ITGB3: variants seen among roughly 807,000 people sequenced by gnomAD.
ITGB3 encodes integrin subunit beta 3.
A neutral mutation model predicts 85.8 loss-of-function variants in ITGB3; 48 were observed. The observed-to-expected ratio is 0.56, with a 90% CI of 0.44 to 0.71. ITGB3 has a LOEUF of 0.71. Ranked by LOEUF, ITGB3 falls within the 30% of genes least tolerant of loss-of-function variation. The probability of loss-of-function intolerance (pLI) is 0.00; values close to 1 mark genes in which losing one functional copy is unlikely to be tolerated. For synonymous variants in ITGB3, 363 were observed against 395.6 expected (o/e 0.92, Z 0.98); for missense variants, 861 against 1,019.1 (o/e 0.84, Z 2.11).
At chr17:47,284,764 TTCTAGC>T (rs1444084115) in intron 4 of ITGB3, 69 bp downstream of exon 4, 1 of 1,594,378 alleles carries the variant, frequency 6.3e-7, no homozygotes, top group Non-Finnish European at 8.6e-7. Context: ...TGGTTCCTAT[TTCTAGC>T]TCTAGGATCA....
intron 1 of ITGB3, among the ~76,000 whole-genome samples, chr17:47,271,089 T>G (rs1008253946): frequency 6.6e-6 from 1 of 152,202 alleles, no homozygotes; most frequent in African/African-American, 2.4e-5. Flanking sequence ...CTCAAGGGAC[T>G]TAAAATCTGT....
In ITGB3 at chr17:47,292,452, G is replaced by A; in HGVS notation, c.1574G>A (p.Gly525Asp). The change falls in exon 10 of 15, where the codon GGC (glycine) becomes GAC (aspartate). Residue 525 changes from glycine (G) to aspartate (D), a missense_variant. Gly to Asp is a moderately conservative substitution (Grantham distance 94). Transcript: ENST00000559488. ...REGQPVCSQR[G>D]ECLCGQCVCH... ...GGTCAGCCCGTCTGCAGCCAGCGGG[G>A]CGAGTGCCTCTGTGGTCAATGTGTC... 6.2e-7 allele frequency: 1 copy of A among 1,609,572 alleles called. No homozygotes were observed. Among genetic ancestry groups the A allele is most frequent in the Non-Finnish European group, 8.5e-7 (1 of 1,176,708 alleles).
Position 47,299,229 on chromosome 17 carries a change from G to C in ITGB3, c.1691-79G>C. On this transcript the variant is annotated intron_variant, in intron 10 of 14. Coordinates refer to ENST00000559488, the MANE Select transcript of ITGB3 (RefSeq NM_000212.3). This position sits in a 1 kb window ranked among gnomAD's most constrained non-coding sequence, Gnocchi z 5.1. ...CATTATCTGTGTGGTTGGGAGAGCA[G>C]GATGGTCGTGTGTAGCCTGCTGCCA... 7.5e-7 allele frequency: 1 copy of C among 1,333,852 alleles called. No homozygotes were observed. The highest frequency in any genetic ancestry group is 1.1e-6 in the Non-Finnish European group (1 of 937,916). The allele number at this position is 1,333,852 out of a possible 1,614,324, so 82.6% of individuals were successfully genotyped here.
intron 13 of ITGB3, among the ~76,000 whole-genome samples, chr17:47,306,780 A>C (rs1173588520): frequency 1.3e-5 from 2 of 152,080 alleles, no homozygotes; most frequent in African/African-American, 2.4e-5. Flanking sequence ...TCCCAGGTTC[A>C]AGTGATTCTG....
At chr17:47,278,186 A>T (rs908228345) in intron 2 of ITGB3, among the ~76,000 whole-genome samples, 3 of 152,300 alleles carry the variant, frequency 2.0e-5, no homozygotes, top group African/African-American at 7.2e-5. Context: ...ACAGCAATGG[A>T]TGGGAGATGT....
intron 1 of ITGB3, among the ~76,000 whole-genome samples, chr17:47,256,477 C>CG (rs1223750503): frequency 2.0e-5 from 3 of 151,346 alleles, no homozygotes; most frequent in Non-Finnish European, 4.4e-5. Flanking sequence ...AGTAATACCC[C>CG]CCCCCCCAAC....
chr17:47,302,603 A>G (rs1394275857), intron 12 of ITGB3, 118 bp from the exon 13 acceptor site: 7 of 1,233,122 alleles, frequency 5.7e-6, no homozygotes, highest in Admixed American at 1.8e-5. Flanking sequence ...CATCGTGCAC[A>G]TGAGGCACAG....
intron 4 of ITGB3, 119 bp from the exon 5 acceptor site, chr17:47,286,141 T>C (rs1334942168): frequency 8.9e-7 from 1 of 1,129,780 alleles, no homozygotes; most frequent in Non-Finnish European, 1.3e-6. Flanking sequence ...GTAACTGTGG[T>C]TGTATGGAAC....
chr17:47,283,233 T>G, intron 2 of ITGB3, 121 bp from the exon 3 acceptor site: 1 of 942,866 alleles, frequency 1.1e-6, no homozygotes, highest in Non-Finnish European at 1.7e-6. Flanking sequence ...CCACAACAAT[T>G]TGTTTATGCT....
chr17:47,293,554 G>T (rs1214216562), intron 10 of ITGB3, among the ~76,000 whole-genome samples: 1 of 152,046 alleles, frequency 6.6e-6, no homozygotes, highest in Non-Finnish European at 1.5e-5. Flanking sequence ...CAAACAGAGA[G>T]ATTATAATTG....
chr17:47,262,323 G>C (rs2065011340), intron 1 of ITGB3, among the ~76,000 whole-genome samples: 1 of 152,206 alleles, frequency 6.6e-6, no homozygotes, highest in African/African-American at 2.4e-5. Context: ...CCTGGGCTGA[G>C]CCTCGGACAG....
At chr17:47,273,742 AT>A (rs1894376738) in intron 1 of ITGB3, among the ~76,000 whole-genome samples, 1 of 152,224 alleles carries the variant, frequency 6.6e-6, no homozygotes, top group South Asian at 2.1e-4. Flanking sequence ...AACATTCAGA[AT>A]TCAAGCACAA....
At chr17:47,284,811 G>A (rs756633758) in intron 4 of ITGB3, 116 bp downstream of exon 4, 8 of 1,393,822 alleles carry the variant, frequency 5.7e-6, no homozygotes, top group Non-Finnish European at 8.1e-6. Context: ...CCAAACTATA[G>A]CTCCTTTCTA....
intron 9 of ITGB3, 160 bp downstream of exon 9, chr17:47,291,248 G>T: frequency 1.3e-6 from 1 of 771,874 alleles, no homozygotes; most frequent in Non-Finnish European, 2.1e-6. Flanking sequence ...AGATGTAATG[G>T]ATCCACCAAT....
At position 47,312,238 on chromosome 17, in the gene ITGB3, A is replaced by G. The variant is rs143482198; in HGVS notation, c.*2034A>G. Among the ~76,000 whole-genome samples the G allele has an allele frequency of 2.5e-4, 38 of 152,294 alleles. No individual in the cohort carries two copies. Among genetic ancestry groups the G allele is most frequent in the African/African-American group, 8.7e-4 (36 of 41,542 alleles). ...TCACTTTGCACACATTTGCATCCAC[A>G]TATTAGGGAAGAGGAATCCATAAGT... On this transcript the variant is annotated 3_prime_UTR_variant, in exon 15 of 15. Coordinates refer to ENST00000559488, the MANE Select transcript of ITGB3 (RefSeq NM_000212.3).
chr17:47,267,422 A>G (rs181858518), intron 1 of ITGB3, among the ~76,000 whole-genome samples: 5 of 152,290 alleles, frequency 3.3e-5, no homozygotes, highest in Admixed American at 3.3e-4. Context: ...CACGTTCAGG[A>G]GGGAGGGGTG....
intron 12 of ITGB3, 47 bp from the exon 13 acceptor site, chr17:47,302,674 T>C (rs765621363): frequency 1.2e-6 from 2 of 1,612,534 alleles, no homozygotes; most frequent in African/African-American, 2.7e-5. Flanking sequence ...GGTCCCATCT[T>C]CCAGTAGTTG....
At chr17:47,253,993 C>G (rs998849528) in intron 1 of ITGB3, 53 bp downstream of exon 1, 5 of 1,183,380 alleles carry the variant, frequency 4.2e-6, no homozygotes, top group South Asian at 1.8e-5. Flanking sequence ...ATCTGCGCCC[C>G]GGTCAAGTTG....
In ITGB3 at chr17:47,307,635, A is replaced by G; in HGVS notation, c.2299A>G (p.Thr767Ala). ...AGAACGCGCCAGAGCAAAATGGGACACAGTAAGAGACGGGGCTGGGCGTTT... is the reference window on the plus strand; with the variant it reads ...AGAACGCGCCAGAGCAAAATGGGACGCAGTAAGAGACGGGGCTGGGCGTTT... ...EEERARAKWD[T>A]ANNPLYKEAT... The change falls in exon 14 of 15, where the codon ACA becomes GCA. Residue 767 changes from threonine (T) to alanine (A), a missense_variant and splice_region_variant. Coordinates refer to ENST00000559488, the MANE Select transcript of ITGB3 (RefSeq NM_000212.3). The G allele has an allele frequency of 6.2e-7, 1 of 1,614,186 alleles. No individual in the cohort carries two copies.
Sources: allele counts gnomAD v4.1 joint callset (sites outside exome capture counted in the v4.1 genomes callset), GRCh38; gene constraint gnomAD v4.1.1; non-coding constraint Gnocchi (gnomAD v3.1); transcripts MANE v1.5; gene names NCBI Gene and HGNC (gene_info 2026-07-23, HGNC 2026-07-21).